Variants in ATXN7L1 observed in about 807,000 individuals in gnomAD.
ATXN7L1 encodes ataxin-7-like protein 1.
ATXN7L1 carries 15 observed loss-of-function variants against 70.8 expected under a neutral mutation model. That is an observed-to-expected ratio of 0.21 (90% CI 0.14 to 0.33). ATXN7L1 has a LOEUF of 0.33. ATXN7L1 is among the 10% of genes least tolerant of loss of function. The pLI is 1.00. For missense variants in ATXN7L1, 975 were observed against 1,097.1 expected (o/e 0.89, Z 1.57); for synonymous variants, 440 against 445.1 (o/e 0.99, Z 0.14).
intron 2 of ATXN7L1, among the ~76,000 whole-genome samples, chr7:105,859,075 T>G (rs76840764): frequency 0.033 from 5,044 of 151,996 alleles, 282 homozygotes; most frequent in African/African-American, 0.11. Flanking sequence ...CAGGTGAATT[T>G]TGAACGAGAA....
At chr7:105,793,703 G>C (rs1487863771) in intron 2 of ATXN7L1, among the ~76,000 whole-genome samples, 1 of 152,200 alleles carries the variant, frequency 6.6e-6, no homozygotes, top group Non-Finnish European at 1.5e-5. Flanking sequence ...GACAAAGCCA[G>C]ACCTGTCTGC....
intron 3 of ATXN7L1, among the ~76,000 whole-genome samples, chr7:105,747,656 T>C (rs1798729774): frequency 6.6e-6 from 1 of 152,078 alleles, no homozygotes; most frequent in Non-Finnish European, 1.5e-5. Context: ...TTGCAACTGG[T>C]GGGACAGTGG....
chr7:105,733,145 T>A (rs1322475742), intron 3 of ATXN7L1, among the ~76,000 whole-genome samples: 1 of 152,236 alleles, frequency 6.6e-6, no homozygotes, highest in Non-Finnish European at 1.5e-5. Flanking sequence ...TTTCATCTGC[T>A]TTGGTTCACT....
At chr7:105,740,858 G>C (rs893171923) in intron 3 of ATXN7L1, among the ~76,000 whole-genome samples, 1 of 148,184 alleles carries the variant, frequency 6.7e-6, no homozygotes, top group South Asian at 2.1e-4. Flanking sequence ...TCCGCCTCCC[G>C]GGTTCAAGCC....
chr7:105,839,139 A>G (rs972584739), intron 2 of ATXN7L1, among the ~76,000 whole-genome samples: 11 of 152,122 alleles, frequency 7.2e-5, no homozygotes, highest in African/African-American at 2.7e-4. Context: ...ATACAAATAC[A>G]GAGGTTTTTC....
At chr7:105,706,338 C>G (rs112513587) in intron 3 of ATXN7L1, among the ~76,000 whole-genome samples, 1 of 151,916 alleles carries the variant, frequency 6.6e-6, no homozygotes, top group African/African-American at 2.4e-5. Flanking sequence ...GGATTACAGG[C>G]GTGCATCACC....
chr7:105,641,710 G>A (rs758690258), intron 5 of ATXN7L1, among the ~76,000 whole-genome samples: 6 of 152,246 alleles, frequency 3.9e-5, no homozygotes, highest in Non-Finnish European at 8.8e-5. Flanking sequence ...GCTCCCGCCC[G>A]AACTGTGAGG....
At chr7:105,669,366 A>G (rs1309702770) in intron 3 of ATXN7L1, among the ~76,000 whole-genome samples, 1 of 152,290 alleles carries the variant, frequency 6.6e-6, no homozygotes, top group South Asian at 2.1e-4. Flanking sequence ...GCCTGGTTTC[A>G]TATTTTAGAT....
chr7:105,733,545 T>C lies in ATXN7L1; in HGVS notation c.355+55059A>G, dbSNP rs201736107. On this transcript the variant is annotated intron_variant, in intron 3 of 11. Coordinates refer to ENST00000419735, the MANE Select transcript of ATXN7L1 (RefSeq NM_020725.2). The stretch of plus-strand genomic sequence containing the variant: ...ATCCATCCATCCATCCATCCACCCA[T>C]CCATCCATCCACCCATCCATCCTTC... 1.3e-3 allele frequency among the ~76,000 whole-genome samples: 169 copies of C among 128,730 alleles called. 6 individuals are homozygous for C. Among genetic ancestry groups the C allele is most frequent in the African/African-American group, 4.2e-3 (137 of 32,782 alleles). The allele number at this position is 128,730 out of a possible 152,430, so 84.5% of individuals were successfully genotyped here. A position where few individuals can be genotyped will look rare whatever the true frequency, so the allele number is the denominator to read the frequency against.
chr7:105,840,370 G>T (rs944220344), intron 2 of ATXN7L1, among the ~76,000 whole-genome samples: 1 of 152,202 alleles, frequency 6.6e-6, no homozygotes, highest in Non-Finnish European at 1.5e-5. Context: ...GTGGCGAAGA[G>T]GAGGGGCCAG....
At chr7:105,731,373 T>TA (rs1240406500) in intron 3 of ATXN7L1, among the ~76,000 whole-genome samples, 1 of 151,722 alleles carries the variant, frequency 6.6e-6, no homozygotes, top group Non-Finnish European at 1.5e-5. Context: ...TAAACTGTCT[T>TA]AAAAAATAAA....
At chr7:105,712,758 A>G (rs1355771874) in intron 3 of ATXN7L1, among the ~76,000 whole-genome samples, 1 of 152,178 alleles carries the variant, frequency 6.6e-6, no homozygotes, top group African/African-American at 2.4e-5. Context: ...CCATTCAACA[A>G]GTCTCTAGGA....
intron 3 of ATXN7L1, among the ~76,000 whole-genome samples, chr7:105,722,762 G>C (rs1012806555): frequency 6.6e-6 from 1 of 151,642 alleles, no homozygotes; most frequent in Non-Finnish European, 1.5e-5. Flanking sequence ...GCATGTGCCT[G>C]TAATCCCCAC....
chr7:105,642,459 T>A (rs1219826820), intron 5 of ATXN7L1, among the ~76,000 whole-genome samples: 1 of 152,238 alleles, frequency 6.6e-6, no homozygotes, highest in African/African-American at 2.4e-5. Flanking sequence ...CTGTGTGTTG[T>A]CCAGCTTCCC....
chr7:105,711,519 G>A (rs556482389), intron 3 of ATXN7L1, among the ~76,000 whole-genome samples: 1 of 152,280 alleles, frequency 6.6e-6, no homozygotes, highest in African/African-American at 2.4e-5. Flanking sequence ...GGAGAAATTG[G>A]CCAAAACAAA....
At chr7:105,650,939 A>T (rs1448116648) in intron 4 of ATXN7L1, among the ~76,000 whole-genome samples, 1 of 152,260 alleles carries the variant, frequency 6.6e-6, no homozygotes, top group Non-Finnish European at 1.5e-5. Flanking sequence ...GAGTGTTGGA[A>T]GATAGTTTAT....
chr7:105,658,827 C>A (rs1390130933), intron 4 of ATXN7L1, among the ~76,000 whole-genome samples: 1 of 152,108 alleles, frequency 6.6e-6, no homozygotes, highest in East Asian at 1.9e-4. Flanking sequence ...AGCCACCATG[C>A]CTGGCCAATG....
At chr7:105,731,176 T>C in intron 3 of ATXN7L1, among the ~76,000 whole-genome samples, 1 of 152,200 alleles carries the variant, frequency 6.6e-6, no homozygotes, top group Middle Eastern at 3.2e-3. Context: ...CTATGTGTAT[T>C]AGGTGTATAT....
chr7:105,865,987 C>A (rs1014008805), intron 2 of ATXN7L1, among the ~76,000 whole-genome samples: 11 of 152,164 alleles, frequency 7.2e-5, no homozygotes, highest in Admixed American at 6.5e-5. Flanking sequence ...ACTGGACTAT[C>A]ACCTTGGTCT....
Sources: allele counts gnomAD v4.1 joint callset (sites outside exome capture counted in the v4.1 genomes callset), GRCh38; gene constraint gnomAD v4.1.1; transcripts MANE v1.5; gene names NCBI Gene and HGNC (gene_info 2026-07-23, HGNC 2026-07-21).